The following PLEK variants were observed in gnomAD, a reference collection of about 807,000 sequenced individuals.
PLEK encodes the protein platelet 47 kDa protein.
In PLEK, 25 loss-of-function variants were observed where a neutral mutation model predicts 43.9. That is an observed-to-expected ratio of 0.57 (90% CI 0.41 to 0.79). PLEK has a LOEUF of 0.79. PLEK is among the 30% of genes least tolerant of loss of function. PLEK has a pLI of 0.00. For synonymous variants in PLEK, 152 were observed against 144.4 expected (o/e 1.05, Z -0.38); for missense variants, 396 against 413.3 (o/e 0.96, Z 0.36).
chr2:68,378,638 T>C (rs185751839), intron 1 of PLEK, among the ~76,000 whole-genome samples: 62 of 152,344 alleles, frequency 4.1e-4, no homozygotes, highest in African/African-American at 1.3e-3. Context: ...TGGAAGACAT[T>C]CATACATGGC....
chr2:68,372,786 T>C (rs1436173922), intron 1 of PLEK, among the ~76,000 whole-genome samples: 1 of 151,960 alleles, frequency 6.6e-6, no homozygotes, highest in Non-Finnish European at 1.5e-5. Flanking sequence ...AATAGCTAGC[T>C]AAGTGGTCTA....
At chr2:68,380,256 C>A in intron 1 of PLEK, 72 bp from the exon 2 acceptor site, 2 of 1,250,292 alleles carry the variant, frequency 1.6e-6, no homozygotes, top group Non-Finnish European at 2.2e-6. Flanking sequence ...AATATAGAAT[C>A]TTTCCTGTTA....
At chr2:68,374,850 T>C (rs923955579) in intron 1 of PLEK, among the ~76,000 whole-genome samples, 1 of 152,216 alleles carries the variant, frequency 6.6e-6, no homozygotes, top group Non-Finnish European at 1.5e-5. Context: ...TTTTAAAAAT[T>C]GCTAGGTTGT....
chr2:68,395,651 G>A (rs756206891), intron 8 of PLEK, 29 bp from the exon 9 acceptor site: 64 of 1,613,514 alleles, frequency 4.0e-5, no homozygotes, highest in Non-Finnish European at 4.6e-5. Flanking sequence ...ATGCCTGTGC[G>A]TGCTGCCATT....
At chr2:68,393,293 C>T (rs781190582) in intron 7 of PLEK, 48 bp downstream of exon 7, 3 of 1,189,980 alleles carry the variant, frequency 2.5e-6, no homozygotes, top group African/African-American at 3.0e-5. Flanking sequence ...AAATCCACTG[C>T]ATTTATAATC....
intron 1 of PLEK, among the ~76,000 whole-genome samples, chr2:68,372,471 C>G (rs777539505): frequency 6.6e-6 from 1 of 152,086 alleles, no homozygotes; most frequent in Non-Finnish European, 1.5e-5. Context: ...CCACTGCGCC[C>G]AGCCGAGAAG....
chr2:68,369,377 G>A (rs552380029), intron 1 of PLEK, among the ~76,000 whole-genome samples: 3 of 152,060 alleles, frequency 2.0e-5, no homozygotes, highest in Admixed American at 6.5e-5. Flanking sequence ...TCGTGGGCTC[G>A]TACTGCAGTG....
chr2:68,376,247 G>A (rs1191228583), intron 1 of PLEK, among the ~76,000 whole-genome samples: 1 of 152,134 alleles, frequency 6.6e-6, no homozygotes, highest in Admixed American at 6.5e-5. Flanking sequence ...CCATTCTTGA[G>A]TTGAACTGAA....
chr2:68,381,654 G>A (rs531353414), intron 3 of PLEK, among the ~76,000 whole-genome samples: 2 of 152,290 alleles, frequency 1.3e-5, no homozygotes, highest in East Asian at 3.9e-4. Context: ...TTTTATGGAG[G>A]GTGGGGTGGG....
At chr2:68,391,881 C>T (rs574040278) in intron 6 of PLEK, among the ~76,000 whole-genome samples, 27 of 152,272 alleles carry the variant, frequency 1.8e-4, no homozygotes, top group African/African-American at 6.5e-4. Flanking sequence ...TGTGGGAAAT[C>T]ATAGAGTCAG....
At chr2:68,389,561 A>T (rs1673818726) in intron 6 of PLEK, among the ~76,000 whole-genome samples, 1 of 152,218 alleles carries the variant, frequency 6.6e-6, no homozygotes, top group Non-Finnish European at 1.5e-5. Context: ...GGGATAGCTG[A>T]AAGGAGGTAT....
chr2:68,394,025 G>A (rs1238938866), intron 7 of PLEK, 82 bp from the exon 8 acceptor site: 3 of 896,876 alleles, frequency 3.3e-6, no homozygotes, highest in Non-Finnish European at 5.7e-6. Flanking sequence ...ATTAGAGTGA[G>A]TCTGGCTTTT....
chr2:68,389,343 C>T (rs369706230), intron 6 of PLEK, among the ~76,000 whole-genome samples: 8 of 152,204 alleles, frequency 5.3e-5, no homozygotes, highest in East Asian at 1.9e-4. Flanking sequence ...TGTGAGCTGC[C>T]TTAAAAGTGC....
rs140938813 is a variant in PLEK, at chr2:68,373,455, G to A, written c.43-6873G>A. ...TATACATGTGCCATGTTGTTGTGCT[G>A]CACCCATTAACTCGTCATTTAACAT... On this transcript the variant is annotated intron_variant, in intron 1 of 8. Transcript: ENST00000234313. 7.2e-3 allele frequency among the ~76,000 whole-genome samples: 1,096 copies of A among 152,034 alleles called. 10 individuals carry two copies. Among genetic ancestry groups the A allele is most frequent in the African/African-American group, 0.025 (1,054 of 41,486 alleles).
intron 1 of PLEK, among the ~76,000 whole-genome samples, chr2:68,378,706 T>C (rs1673553320): frequency 6.6e-6 from 1 of 152,232 alleles, no homozygotes; most frequent in Non-Finnish European, 1.5e-5. Flanking sequence ...TTCGAACTTA[T>C]AAAATCTTAT....
intron 1 of PLEK, among the ~76,000 whole-genome samples, chr2:68,370,732 C>T (rs556256572): frequency 5.9e-5 from 9 of 152,252 alleles, no homozygotes; most frequent in East Asian, 1.9e-4. Context: ...GTGATCCACC[C>T]GCCTTGGCCT....
At chr2:68,365,899 C>A (rs747449535) in intron 1 of PLEK, among the ~76,000 whole-genome samples, 3 of 151,898 alleles carry the variant, frequency 2.0e-5, no homozygotes, top group Non-Finnish European at 4.4e-5. Context: ...TTAAAAAAAA[C>A]CTTATCTTTT....
chr2:68,382,567 A>C lies in PLEK; in HGVS notation c.406A>C (p.Thr136Pro). ...LGALYLSMKD[T>P]EKGIKELNLE... The stretch of plus-strand genomic sequence containing the variant: ...TGCCTTATATTTGTCCATGAAAGAC[A>C]CTGAAAAAGGAATAAAAGAACTGAA... Residue 136 changes from threonine to proline, a missense_variant, in exon 4 of 9, where the codon ACT (threonine) becomes CCT (proline). Transcript: ENST00000234313. The C allele has an allele frequency of 1.3e-6, 2 of 1,597,818 alleles. No homozygotes were observed. The highest frequency in any genetic ancestry group is 2.2e-5 in the South Asian group (2 of 90,738).
At chr2:68,387,133 G>A (rs943935205) in intron 5 of PLEK, among the ~76,000 whole-genome samples, 1 of 152,158 alleles carries the variant, frequency 6.6e-6, no homozygotes, top group Non-Finnish European at 1.5e-5. Context: ...AGCTTCCCGA[G>A]TAGCTAGGAT....
Sources: gnomAD v4.1 joint callset for allele counts (sites outside exome capture counted in the v4.1 genomes callset) on GRCh38, gnomAD v4.1.1 for gene constraint, MANE v1.5 for transcripts, NCBI Gene and HGNC (gene_info 2026-07-23, HGNC 2026-07-21) for gene names.